Variants in ALMS1 observed in about 807,000 individuals in gnomAD.
ALMS1 encodes the protein centrosome-associated protein ALMS1.
A neutral mutation model predicts 352.2 loss-of-function variants in ALMS1; 271 were observed. The ratio of observed to expected loss-of-function variants is 0.77; its 90% CI spans 0.70 to 0.85. The LOEUF (loss-of-function observed/expected upper bound fraction) is 0.85. Among genes scored for constraint, ALMS1 ranks in the 40% least tolerant of loss-of-function variants. The pLI is 0.00. For missense variants in ALMS1, 5,445 were observed against 4,870.7 expected (o/e 1.12, Z -3.51); for synonymous variants, 1,865 against 1,761.2 (o/e 1.06, Z -1.48).
At chr2:73,423,842 A>G (rs903375366) in intron 4 of ALMS1, among the ~76,000 whole-genome samples, 1 of 151,748 alleles carries the variant, frequency 6.6e-6, no homozygotes, top group East Asian at 1.9e-4. Context: ...CAGTGGTGCC[A>G]TCATGGCTCA....
chr2:73,391,363 G>A (rs1213934550), intron 1 of ALMS1, among the ~76,000 whole-genome samples: 2 of 142,632 alleles, frequency 1.4e-5, no homozygotes, highest in African/African-American at 2.7e-5. Flanking sequence ...GCGCAATCTC[G>A]GCTCACTGCA....
chr2:73,603,203 G>C (rs1675737574), intron 20 of ALMS1, 38 bp from the exon 21 acceptor site: 1 of 1,605,848 alleles, frequency 6.2e-7, no homozygotes, highest in Non-Finnish European at 8.5e-7. Flanking sequence ...TCTGGGTTAA[G>C]TCACTGTCCA....
chr2:73,391,294 C>CTTTTTTTTTTTTTTT lies in ALMS1; in HGVS notation c.324+5105_324+5119dup, dbSNP rs397972016. On this transcript the variant is annotated intron_variant, in intron 1 of 22. Coordinates refer to ENST00000613296, the MANE Select transcript of ALMS1 (RefSeq NM_001378454.1). ...TTAACCTATTCATATACGTTTTATT[C>CTTTTTTTTTTTTTTT]TTTTTTTTTTTTTTTTTGAGACGGA... is the stretch of plus-strand genomic sequence containing the variant. Among the ~76,000 whole-genome samples the CTTTTTTTTTTTTTTT allele has an allele frequency of 2.6e-4, 30 of 114,922 alleles. 2 individuals are homozygous for CTTTTTTTTTTTTTTT. The highest frequency in any genetic ancestry group is 7.4e-4 in the African/African-American group (18 of 24,454). The allele number at this position is 114,922 out of a possible 152,430, so 75.4% of individuals were successfully genotyped here.
rs1398149675 is a variant in ALMS1 at position 73,465,489 on chromosome 2, A to G, written c.7674+10194A>G. 4.6e-5 allele frequency among the ~76,000 whole-genome samples: 7 copies of G among 152,234 alleles called. No individual in the cohort carries two copies. The East Asian group carries it at 1.3e-3, about 29-fold the overall frequency. On this transcript the variant is annotated intron_variant, in intron 9 of 22. Transcript: ENST00000613296. The stretch of plus-strand genomic sequence containing the variant: ...TTACACCGTATACAAAAATTAATTC[A>G]AGATGGATTAAAGACTTACATGTTA...
chr2:73,533,194 T>C (rs1673958193), intron 11 of ALMS1, among the ~76,000 whole-genome samples: 2 of 152,198 alleles, frequency 1.3e-5, no homozygotes, highest in East Asian at 1.9e-4. Flanking sequence ...GGGTATGGAG[T>C]GGTGCAAGTG....
At chr2:73,478,047 G>A (rs919808746) in intron 9 of ALMS1, among the ~76,000 whole-genome samples, 4 of 152,158 alleles carry the variant, frequency 2.6e-5, no homozygotes, top group Non-Finnish European at 5.9e-5. Context: ...GTTCTTGATT[G>A]TAGGGAGAAA....
rs562259790 is a variant in ALMS1 at position 73,534,701 on chromosome 2, C to T, written c.9782-123C>T. ...TTCTTGAAGGCAGAGATACATTTCT[C>T]TTTGTTTACTCATAAATTCCAAAAG... is the stretch of plus-strand genomic sequence containing the variant. On this transcript the variant is annotated intron_variant, in intron 11 of 22. Transcript: ENST00000613296. 4.0e-4 allele frequency: 388 copies of T among 978,566 alleles called. 3 individuals are homozygous for T. The highest frequency in any genetic ancestry group is 5.6e-4 in the Non-Finnish European group (357 of 637,900). The allele number at this position is 978,566 out of a possible 1,614,324, so 60.6% of individuals were successfully genotyped here. A position where few individuals can be genotyped will look rare whatever the true frequency, so the allele number is the denominator to read the frequency against.
chr2:73,474,039 C>G (rs1472836262), intron 9 of ALMS1, among the ~76,000 whole-genome samples: 3 of 151,938 alleles, frequency 2.0e-5, no homozygotes, highest in African/African-American at 7.3e-5. Flanking sequence ...CTCAAAGAGA[C>G]CCACACCATG....
At position 73,452,296 on chromosome 2, in the gene ALMS1, T is replaced by A. The variant is rs773894575; in HGVS notation, c.5769T>A (p.Val1923=). The A allele has an allele frequency of 4.3e-6, 7 of 1,613,954 alleles. No homozygotes were observed. The South Asian group carries it at 7.7e-5, about 18-fold the overall frequency. Residue 1923 remains valine, a synonymous_variant, in exon 8 of 23, where the codon GTT becomes GTA. Transcript: ENST00000613296. ...AAGAAGCTTTAAATGTTTTTGTTGT[T>A]CCTGGACAAGGTGACCGGAAGACTG... ...VTEEALNVFV[V]PGQGDRKTEI... is the part of the protein sequence containing the mutation.
At chr2:73,464,209 A>G (rs1303176414) in intron 9 of ALMS1, among the ~76,000 whole-genome samples, 9 of 152,224 alleles carry the variant, frequency 5.9e-5, no homozygotes, top group Admixed American at 5.9e-4. Flanking sequence ...AAATACTGGC[A>G]AACTGAATCC....
rs1457500348 is a variant in ALMS1, at chr2:73,448,817, TACTC to T, written c.2293_2296del (p.Ser765LysfsTer13). ...GATACCAGCAGTACAGTCTAGTTCT[TACTC>T]ACAAAGAGAAAAGCCTAGTATTTTG... On this transcript the variant is annotated frameshift_variant, in exon 8 of 23. Transcript: ENST00000613296. LOFTEE classifies it high-confidence loss of function. 5.6e-6 allele frequency: 9 copies of T among 1,613,974 alleles called. No individual in the cohort carries two copies. Among genetic ancestry groups the T allele is most frequent in the Non-Finnish European group, 7.6e-6 (9 of 1,179,956 alleles).
At chr2:73,474,747 T>G (rs1672548591) in intron 9 of ALMS1, among the ~76,000 whole-genome samples, 1 of 152,152 alleles carries the variant, frequency 6.6e-6, no homozygotes, top group Admixed American at 6.6e-5. Flanking sequence ...TGGAAATCAG[T>G]AAAAGACATA....
intron 10 of ALMS1, among the ~76,000 whole-genome samples, chr2:73,503,889 A>T (rs1242257433): frequency 1.3e-5 from 2 of 152,200 alleles, no homozygotes; most frequent in Non-Finnish European, 2.9e-5. Context: ...ACCCCAAACA[A>T]GATACTCTTT....
At chr2:73,591,787 A>G (rs1675438351) in intron 16 of ALMS1, among the ~76,000 whole-genome samples, 1 of 152,232 alleles carries the variant, frequency 6.6e-6, no homozygotes, top group African/African-American at 2.4e-5. Context: ...AAATAAATGT[A>G]TAGGGCTACT....
chr2:73,487,547 G>A (rs568768648), intron 9 of ALMS1, among the ~76,000 whole-genome samples: 3 of 152,256 alleles, frequency 2.0e-5, no homozygotes, highest in South Asian at 2.1e-4. Context: ...TGGGCTTCCC[G>A]AAAGGCCACA....
rs561565809 is a variant in ALMS1, at chr2:73,489,678, A to G, written c.7719A>G (p.Val2573=). The part of the protein sequence containing the change: ...PRGMGCKPEA[V]CSHIIIESHE... ...GAATGGGATGCAAGCCAGAAGCTGT[A>G]TGTAGTCACATTATTATTGAGAGCC... Residue 2573 remains valine, a synonymous_variant, in exon 10 of 23, where the codon GTA becomes GTG. Coordinates refer to ENST00000613296, the MANE Select transcript of ALMS1 (RefSeq NM_001378454.1). 27 of 1,614,190 alleles carry G rather than the reference A, an allele frequency of 1.7e-5. No individual in the cohort carries two copies. In the East Asian group the frequency reaches 3.1e-4, roughly 19 times the overall value.
At chr2:73,545,773 A>G (rs1674301652) in intron 12 of ALMS1, among the ~76,000 whole-genome samples, 1 of 152,236 alleles carries the variant, frequency 6.6e-6, no homozygotes, top group Admixed American at 6.5e-5. Context: ...ATACTTAACA[A>G]AAGAGGAGAG....
Position 73,569,102 on chromosome 2 carries a change from C to T in ALMS1, c.10385-3160C>T, listed in dbSNP as rs181046814. ...CGGTCTTGACTCACTGCAACCTCCA[C>T]CTTTTGGATTTAAGCAGTTCTCCTT... On this transcript the variant is annotated intron_variant, in intron 15 of 22. Coordinates refer to ENST00000613296, the MANE Select transcript of ALMS1 (RefSeq NM_001378454.1). 2.9e-3 allele frequency among the ~76,000 whole-genome samples: 405 copies of T among 140,464 alleles called. 1 individual carries two copies. The highest frequency in any genetic ancestry group is 4.9e-3 in the Non-Finnish European group (324 of 66,432). The allele number at this position is 140,464 out of a possible 152,430, so 92.1% of individuals were successfully genotyped here.
At position 73,558,614 on chromosome 2, in the gene ALMS1, C is replaced by A. The variant is rs573758264; in HGVS notation, c.10214-358C>A. 3.3e-5 allele frequency among the ~76,000 whole-genome samples: 5 copies of A among 152,192 alleles called. No homozygotes were observed. In the East Asian group the frequency reaches 9.6e-4, roughly 29 times the overall value. Reference sequence around the variant, plus strand: ...GTTTCTTAGATGCTAAGTTACTTTCCTGACACCATTCTTGTGTTATGTAGT... The same window carrying A: ...GTTTCTTAGATGCTAAGTTACTTTCATGACACCATTCTTGTGTTATGTAGT... On this transcript the variant is annotated intron_variant, in intron 14 of 22. Coordinates refer to ENST00000613296, the MANE Select transcript of ALMS1 (RefSeq NM_001378454.1).
Sources: allele counts gnomAD v4.1 joint callset (sites outside exome capture counted in the v4.1 genomes callset), GRCh38; gene constraint gnomAD v4.1.1; transcripts MANE v1.5; gene names NCBI Gene and HGNC (gene_info 2026-07-23, HGNC 2026-07-21).